FAF2: variants seen among roughly 807,000 people sequenced by gnomAD.
FAF2 encodes Fas associated factor family member 2.
A neutral mutation model predicts 62.3 loss-of-function variants in FAF2; 9 were observed. The ratio of observed to expected loss-of-function variants is 0.14; its 90% CI spans 0.09 to 0.25. The LOEUF is 0.25. Ranked by LOEUF, FAF2 falls within the 10% of genes least tolerant of loss-of-function variation. FAF2 has a pLI of 1.00. For missense variants in FAF2, 368 were observed against 556.2 expected (o/e 0.66, Z 3.40); for synonymous variants, 202 against 198.0 (o/e 1.02, Z -0.17).
intron 1 of FAF2, 40 bp downstream of exon 1, chr5:176,448,510 ATGGG>A: frequency 6.4e-7 from 1 of 1,561,096 alleles, no homozygotes; most frequent in Non-Finnish European, 8.7e-7. Context: ...CCTCCGTGGG[ATGGG>A]GAGTAGGCCC....
chr5:176,451,673 A>G (rs1272829148), intron 1 of FAF2, among the ~76,000 whole-genome samples: 1 of 146,872 alleles, frequency 6.8e-6, no homozygotes, highest in Non-Finnish European at 1.5e-5. Context: ...CTTCTGTGTA[A>G]CTTAATGGAG....
chr5:176,504,457 G>A (rs142580373), intron 10 of FAF2, among the ~76,000 whole-genome samples: 139 of 152,148 alleles, frequency 9.1e-4, no homozygotes, highest in Middle Eastern at 3.4e-3. Flanking sequence ...GGTGGTGCGC[G>A]CCTGTAGTCA....
At chr5:176,488,294 A>G (rs1375644145) in intron 3 of FAF2, among the ~76,000 whole-genome samples, 1 of 152,094 alleles carries the variant, frequency 6.6e-6, no homozygotes, top group African/African-American at 2.4e-5. Flanking sequence ...TGTATACCAT[A>G]TTTTGATGTG....
At chr5:176,499,967 G>C (rs763275606) in intron 9 of FAF2, 36 bp from the exon 10 acceptor site, 1 of 1,607,674 alleles carries the variant, frequency 6.2e-7, no homozygotes, top group Non-Finnish European at 8.5e-7. Flanking sequence ...TTTATTTCTT[G>C]AGCTGTAGCC....
intron 3 of FAF2, 52 bp downstream of exon 3, chr5:176,486,541 C>T (rs1375891426): frequency 5.1e-6 from 8 of 1,584,092 alleles, no homozygotes; most frequent in Non-Finnish European, 6.9e-6. Flanking sequence ...TAAGTATATC[C>T]ACTTGGTTAT....
intron 1 of FAF2, among the ~76,000 whole-genome samples, chr5:176,464,913 A>C (rs1222690464): frequency 6.6e-6 from 1 of 151,898 alleles, no homozygotes; most frequent in Non-Finnish European, 1.5e-5. Context: ...TTTGAGACAG[A>C]GTCTCGCTGT....
chr5:176,470,138 A>G (rs997156321), intron 1 of FAF2, among the ~76,000 whole-genome samples: 1 of 152,244 alleles, frequency 6.6e-6, no homozygotes, highest in Non-Finnish European at 1.5e-5. Flanking sequence ...TAATTGTAAA[A>G]GAGGTTGAAT....
intron 1 of FAF2, among the ~76,000 whole-genome samples, chr5:176,461,990 A>G (rs778840787): frequency 2.0e-4 from 31 of 152,182 alleles, no homozygotes; most frequent in Non-Finnish European, 3.8e-4. Context: ...AGTAAGCATC[A>G]GAAAAGCTAG....
chr5:176,448,421 A>C lies in FAF2; in HGVS notation c.14A>C (p.Glu5Ala), dbSNP rs907645195. 1.7e-5 allele frequency: 27 copies of C among 1,607,080 alleles called. No homozygotes were observed. Among genetic ancestry groups the C allele is most frequent in the Non-Finnish European group, 2.3e-5 (27 of 1,177,190 alleles). Residue 5 changes from glutamate to alanine, a missense_variant, in exon 1 of 11, where the codon GAG becomes GCG. Physicochemically the swap from Glu to Ala is moderately radical, Grantham distance 107. This residue lies in a region of FAF2 where 331 missense variants were observed against 441.9 expected (regional missense o/e 0.75). Coordinates refer to ENST00000261942, the MANE Select transcript of FAF2 (RefSeq NM_014613.3). MAAP[E>A]ERDLTQEQTE... The stretch of plus-strand genomic sequence containing the variant: ...GGCGGCGGCAAAATGGCGGCGCCTG[A>C]GGAGCGGGATCTAACCCAGGAGCAG...
chr5:176,457,629 T>A (rs973847339), intron 1 of FAF2, among the ~76,000 whole-genome samples: 1 of 150,332 alleles, frequency 6.7e-6, no homozygotes, highest in Non-Finnish European at 1.5e-5. Context: ...TAAAACTGAT[T>A]ATTTGATTTG....
At chr5:176,492,106 C>G in intron 4 of FAF2, 88 bp from the exon 5 acceptor site, 1 of 1,502,754 alleles carries the variant, frequency 6.7e-7, no homozygotes, top group South Asian at 1.1e-5. Context: ...GTGCCTCTGG[C>G]TCTGTTACAG....
At chr5:176,498,826 C>G in intron 8 of FAF2, 88 bp from the exon 9 acceptor site, 1 of 1,229,494 alleles carries the variant, frequency 8.1e-7, no homozygotes, top group Non-Finnish European at 1.1e-6. Flanking sequence ...TTTTTACACA[C>G]ACACACACAC....
At chr5:176,477,030 G>A (rs113374008) in intron 1 of FAF2, among the ~76,000 whole-genome samples, 13 of 150,572 alleles carry the variant, frequency 8.6e-5, no homozygotes, top group African/African-American at 3.2e-4. Flanking sequence ...GGATGGTCTC[G>A]ATCTCCTGAC....
intron 2 of FAF2, among the ~76,000 whole-genome samples, chr5:176,480,814 G>A (rs1368810701): frequency 3.6e-5 from 5 of 137,222 alleles, no homozygotes; most frequent in Non-Finnish European, 6.3e-5. Context: ...GTGGGGGGCT[G>A]GGGGGCTAGG....
intron 1 of FAF2, among the ~76,000 whole-genome samples, chr5:176,476,418 A>G (rs1444881286): frequency 1.3e-5 from 2 of 152,204 alleles, no homozygotes; most frequent in African/African-American, 4.8e-5. Context: ...TTAAGCCCAT[A>G]GTGTGTGCCT....
intron 1 of FAF2, among the ~76,000 whole-genome samples, chr5:176,465,258 C>T (rs893152933): frequency 6.6e-6 from 1 of 152,018 alleles, no homozygotes; most frequent in African/African-American, 2.4e-5. Context: ...ACTGTATCAA[C>T]ATGTTTGTTG....
intron 1 of FAF2, among the ~76,000 whole-genome samples, chr5:176,472,741 GAAAGAAAGAA>G (rs1758595822): frequency 2.7e-5 from 4 of 146,772 alleles, no homozygotes; most frequent in Non-Finnish European, 6.0e-5. Flanking sequence ...AAAAAGAAAA[GAAAGAAAGAA>G]AAAAGAAAGA....
chr5:176,493,409 G>A (rs1234377783), intron 5 of FAF2, among the ~76,000 whole-genome samples: 1 of 152,220 alleles, frequency 6.6e-6, no homozygotes, highest in African/African-American at 2.4e-5. Context: ...GTCAGCAGTC[G>A]TACAGTGTAA....
At chr5:176,496,361 A>C in intron 7 of FAF2, 125 bp from the exon 8 acceptor site, 2 of 706,380 alleles carry the variant, frequency 2.8e-6, no homozygotes, top group Non-Finnish European at 4.3e-6. Flanking sequence ...GCGGAGACTA[A>C]ATGATACCTC....
Sources: allele counts gnomAD v4.1 joint callset (sites outside exome capture counted in the v4.1 genomes callset), GRCh38; gene constraint gnomAD v4.1.1; regional missense constraint gnomAD v4.1.1; transcripts MANE v1.5; gene names NCBI Gene and HGNC (gene_info 2026-07-23, HGNC 2026-07-21).